GPC6: variants seen among roughly 807,000 people sequenced by gnomAD.
GPC6 encodes glypican 6.
In GPC6, 14 loss-of-function variants were observed where a neutral mutation model predicts 55.2. The observed-to-expected ratio is 0.25, with a 90% CI of 0.17 to 0.40. The LOEUF (loss-of-function observed/expected upper bound fraction) is 0.40. Among genes scored for constraint, GPC6 ranks in the 10% least tolerant of loss-of-function variants. GPC6 has a pLI of 1.00. For missense variants in GPC6, 641 were observed against 708.5 expected, an observed-to-expected ratio of 0.90 and a Z score of 1.08; for synonymous variants, 278 against 259.6, an observed-to-expected ratio of 1.07 and a Z score of -0.68.
At chr13:93,574,272 A>G (rs1353439364) in intron 2 of GPC6, among the ~76,000 whole-genome samples, 1 of 152,178 alleles carries the variant, frequency 6.6e-6, no homozygotes, top group African/African-American at 2.4e-5. Context: ...GTTAATCCTT[A>G]ATTCAATCTG....
intron 1 of GPC6, among the ~76,000 whole-genome samples, chr13:93,408,187 C>T (rs1876362097): frequency 6.6e-6 from 1 of 152,208 alleles, no homozygotes; most frequent in Non-Finnish European, 1.5e-5. Flanking sequence ...TGCCAACTCT[C>T]ACCTCTGGAA....
At chr13:94,364,999 C>T (rs1879225761) in intron 6 of GPC6, among the ~76,000 whole-genome samples, 1 of 152,178 alleles carries the variant, frequency 6.6e-6, no homozygotes, top group Non-Finnish European at 1.5e-5. Flanking sequence ...TATTCATTCG[C>T]TATTATTGAA....
intron 2 of GPC6, among the ~76,000 whole-genome samples, chr13:93,553,844 G>A (rs1741875688): frequency 6.6e-6 from 1 of 151,440 alleles, no homozygotes; most frequent in Non-Finnish European, 1.5e-5. Context: ...TTAAAAGAGA[G>A]AGAGAAAGAG....
intron 2 of GPC6, among the ~76,000 whole-genome samples, chr13:93,791,859 C>A (rs2138923575): frequency 6.6e-6 from 1 of 152,310 alleles, no homozygotes; most frequent in Middle Eastern, 3.4e-3. Context: ...GTGCTTCTAA[C>A]TGTCTCAAAT....
intron 6 of GPC6, among the ~76,000 whole-genome samples, chr13:94,319,609 A>C (rs1293879649): frequency 6.6e-6 from 1 of 152,230 alleles, no homozygotes; most frequent in Non-Finnish European, 1.5e-5. Context: ...TGAGAGTTTT[A>C]TTTGAAAATG....
chr13:93,748,207 A>G (rs1884466246), intron 2 of GPC6, among the ~76,000 whole-genome samples: 1 of 151,980 alleles, frequency 6.6e-6, no homozygotes, highest in Non-Finnish European at 1.5e-5. Context: ...TGAATTTCTT[A>G]TTTTTAGCCT....
chr13:93,573,667 A>C (rs778077068), intron 2 of GPC6, among the ~76,000 whole-genome samples: 5 of 152,142 alleles, frequency 3.3e-5, no homozygotes, highest in Non-Finnish European at 7.4e-5. Context: ...GACCTAGTTC[A>C]TTAATAAATT....
chr13:93,942,988 C>A (rs747569914), intron 3 of GPC6, among the ~76,000 whole-genome samples: 2 of 152,062 alleles, frequency 1.3e-5, no homozygotes, highest in Admixed American at 1.3e-4. Flanking sequence ...AAACTCAACT[C>A]AAGCATATGG....
chr13:94,347,519 A>C (rs1199374510), intron 6 of GPC6, among the ~76,000 whole-genome samples: 1 of 152,208 alleles, frequency 6.6e-6, no homozygotes. Flanking sequence ...TTTCATACTA[A>C]AACAGAAATT....
At chr13:93,753,406 T>G (rs1566518179) in intron 2 of GPC6, among the ~76,000 whole-genome samples, 2 of 152,194 alleles carry the variant, frequency 1.3e-5, no homozygotes, top group African/African-American at 4.8e-5. Context: ...TAGAATATGT[T>G]TTTTATAATT....
At chr13:93,677,780 A>G (rs1396412527) in intron 2 of GPC6, among the ~76,000 whole-genome samples, 1 of 152,166 alleles carries the variant, frequency 6.6e-6, no homozygotes, top group African/African-American at 2.4e-5. Flanking sequence ...GATGCCTAGA[A>G]TAACTGATTT....
intron 2 of GPC6, among the ~76,000 whole-genome samples, chr13:93,789,609 A>AATAC (rs1555331681): frequency 5.3e-3 from 64 of 12,058 alleles, no homozygotes; most frequent in Middle Eastern, 0.024. Context: ...ATATATATAT[A>AATAC]TATATATATA....
intron 1 of GPC6, among the ~76,000 whole-genome samples, chr13:93,493,692 G>T (rs1043316748): frequency 5.6e-4 from 76 of 136,452 alleles, no homozygotes; most frequent in African/African-American, 1.8e-3. Flanking sequence ...ACACTGCATT[G>T]AATGCGTCCC....
intron 3 of GPC6, among the ~76,000 whole-genome samples, chr13:93,899,784 A>G (rs543999429): frequency 2.0e-5 from 3 of 152,222 alleles, no homozygotes; most frequent in Admixed American, 2.0e-4. Flanking sequence ...TGTGTCTGTC[A>G]AGGCCTTTGA....
intron 1 of GPC6, among the ~76,000 whole-genome samples, chr13:93,366,301 T>C (rs148663762): frequency 6.6e-6 from 1 of 152,082 alleles, no homozygotes; most frequent in African/African-American, 2.4e-5. Context: ...AGATACCTTG[T>C]AGTTTAATGT....
At chr13:94,127,777 G>A (rs1039048909) in intron 4 of GPC6, among the ~76,000 whole-genome samples, 2 of 152,136 alleles carry the variant, frequency 1.3e-5, no homozygotes, top group African/African-American at 4.8e-5. Flanking sequence ...GTTGCCACAG[G>A]TGACTGGTTT....
At chr13:94,156,461 CAT>C (rs1276879773) in intron 4 of GPC6, among the ~76,000 whole-genome samples, 2 of 152,208 alleles carry the variant, frequency 1.3e-5, no homozygotes, top group South Asian at 2.1e-4. Context: ...AAATGCCAAA[CAT>C]GTGATCCAAC....
At chr13:94,272,674 T>C (rs1054445821) in intron 4 of GPC6, among the ~76,000 whole-genome samples, 6 of 151,904 alleles carry the variant, frequency 3.9e-5, no homozygotes, top group Admixed American at 1.3e-4. Flanking sequence ...TTCACCGTGT[T>C]AGCCAGGATG....
At chr13:93,641,489 A>G (rs2139586728) in intron 2 of GPC6, among the ~76,000 whole-genome samples, 1 of 152,256 alleles carries the variant, frequency 6.6e-6, no homozygotes, top group Admixed American at 6.5e-5. Context: ...CATGTGTAAA[A>G]TGAGGATAGT....
Sources: gnomAD v4.1 joint callset for allele counts (sites outside exome capture counted in the v4.1 genomes callset) on GRCh38, gnomAD v4.1.1 for gene constraint, MANE v1.5 for transcripts, NCBI Gene and HGNC (gene_info 2026-07-23, HGNC 2026-07-21) for gene names.